The following PADI4 variants were observed in gnomAD, a reference collection of about 807,000 sequenced individuals.
PADI4 encodes the protein peptidyl arginine deiminase 4.
PADI4 carries 62 observed loss-of-function variants against 75.0 expected under a neutral mutation model. That is an observed-to-expected ratio of 0.83 (90% CI 0.67 to 1.02). PADI4 has a LOEUF of 1.02. Among genes scored for constraint, PADI4 ranks in the 50% least tolerant of loss-of-function variants. The pLI, the probability that PADI4 is intolerant of heterozygous loss-of-function variation, is 0.00. For synonymous variants in PADI4, 361 were observed against 348.1 expected, an observed-to-expected ratio of 1.04 and a Z score of -0.41; for missense variants, 845 against 850.5, an observed-to-expected ratio of 0.99 and a Z score of 0.08.
intron 15 of PADI4, among the ~76,000 whole-genome samples, chr1:17,359,713 G>C (rs1023512471): frequency 3.9e-5 from 6 of 152,252 alleles, no homozygotes; most frequent in Non-Finnish European, 7.3e-5. Context: ...CCACAAGTCA[G>C]TCAGTCCTGC....
At chr1:17,337,223 G>A (rs1043187349) in intron 4 of PADI4, among the ~76,000 whole-genome samples, 11 of 152,148 alleles carry the variant, frequency 7.2e-5, no homozygotes, top group African/African-American at 1.9e-4. Context: ...GCGGTTCACC[G>A]CAACCTCCGC....
At chr1:17,317,528 C>G (rs867392474) in intron 1 of PADI4, among the ~76,000 whole-genome samples, 11 of 151,914 alleles carry the variant, frequency 7.2e-5, no homozygotes, top group African/African-American at 2.4e-4. Context: ...CTCGGCCTCC[C>G]AAAGTGCTGG....
In PADI4 at chr1:17,308,279, T is replaced by C; in HGVS notation, c.57T>C (p.Cys19=). The part of the protein sequence containing the change: ...VTPEQPTHAV[C]VLGTLTQLDI... ...CAGAGCAGCCCACCCATGCCGTGTG[T>C]GTGCTGGGCACCTTGACTCAGCTTG... is the stretch of plus-strand genomic sequence containing the variant. Residue 19 remains cysteine (C), a synonymous_variant, in exon 1 of 16, where the codon TGT becomes TGC. Transcript: ENST00000375448. 6.2e-7 allele frequency: 1 copy of C among 1,614,126 alleles called. No homozygotes were observed. The highest frequency in any genetic ancestry group is 1.1e-5 in the South Asian group (1 of 91,088).
chr1:17,332,213 C>A (rs563210890), intron 2 of PADI4, among the ~76,000 whole-genome samples: 4 of 152,150 alleles, frequency 2.6e-5, no homozygotes, highest in Non-Finnish European at 5.9e-5. Flanking sequence ...TGGGGCCCAG[C>A]TGGATGGTCC....
At position 17,341,999 on chromosome 1, in the gene PADI4, T is replaced by C; in HGVS notation, c.709T>C (p.Tyr237His). 6.2e-7 allele frequency: 1 copy of C among 1,614,058 alleles called. No homozygotes were observed. The highest frequency in any genetic ancestry group is 8.5e-7 in the Non-Finnish European group (1 of 1,179,936). The change falls in exon 7 of 16, where the codon TAC (tyrosine) becomes CAC (histidine). Residue 237 changes from tyrosine (Y) to histidine (H), a missense_variant. Tyr to His is a moderately conservative substitution (Grantham distance 83). Transcript: ENST00000375448. ...VVLGPKWPSH[Y>H]LMVPGGKHNM... ...CTTGGGTCCCAAGTGGCCCTCTCAC[T>C]ACCTGATGGTCCCCGGTGGAAAGCA...
intron 15 of PADI4, among the ~76,000 whole-genome samples, chr1:17,361,287 C>T (rs538664204): frequency 6.6e-6 from 1 of 152,222 alleles, no homozygotes; most frequent in Non-Finnish European, 1.5e-5. Context: ...TGACCCCAAG[C>T]GTTTTGTTTC....
rs116041562 is a variant in PADI4, at chr1:17,317,299, G to A, written c.92+8985G>A. ...ACAGACATAATGCCGACGGAGTCTC[G>A]CTCTTGTCGCCTAGGCTGGAGTGCA... On this transcript the variant is annotated intron_variant, in intron 1 of 15. Coordinates refer to ENST00000375448, the MANE Select transcript of PADI4 (RefSeq NM_012387.3). Among the ~76,000 whole-genome samples the A allele has an allele frequency of 5.0e-3, 763 of 151,822 alleles. 8 individuals carry two copies. Among genetic ancestry groups the A allele is most frequent in the African/African-American group, 0.018 (726 of 41,414 alleles).
intron 1 of PADI4, among the ~76,000 whole-genome samples, chr1:17,308,591 A>G (rs2073718567): frequency 6.6e-6 from 1 of 152,330 alleles, no homozygotes. Context: ...CCCTGTCTTC[A>G]TCGAGGCAAC....
Position 17,357,263 on chromosome 1 carries a change from G to T in PADI4, c.1558+804G>T, listed in dbSNP as rs936642839. ...ACTCTCTGCAGCCTCTGCATCCCGG[G>T]TTCAAGTGATTCTCCTGCCCCAGCC... On this transcript the variant is annotated intron_variant, in intron 13 of 15. Coordinates refer to ENST00000375448, the MANE Select transcript of PADI4 (RefSeq NM_012387.3). Among the ~76,000 whole-genome samples the T allele has an allele frequency of 2.6e-5, 4 of 152,090 alleles. No individual in the cohort carries two copies. The East Asian group carries it at 7.7e-4, about 29-fold the overall frequency.
intron 2 of PADI4, among the ~76,000 whole-genome samples, chr1:17,331,735 C>G (rs1438669397): frequency 6.6e-6 from 1 of 152,040 alleles, no homozygotes. Flanking sequence ...CTGGCCAACA[C>G]GGTGAAACCC....
Position 17,338,163 on chromosome 1 carries a change from G to A in PADI4, c.526+8G>A, listed in dbSNP as rs370076851. On this transcript the variant is annotated splice_region_variant and intron_variant, in intron 5 of 15. Coordinates refer to ENST00000375448, the MANE Select transcript of PADI4 (RefSeq NM_012387.3). ...AAGTGCTTGACAGCGAAGGTAAAGA[G>A]CATTTGCTAGCTAACGGGAAGGGCT... 6.4e-7 allele frequency: 1 copy of A among 1,560,984 alleles called. No homozygotes were observed. The highest frequency in any genetic ancestry group is 1.1e-5 in the South Asian group (1 of 90,050).
intron 10 of PADI4, among the ~76,000 whole-genome samples, chr1:17,349,555 A>C (rs1422301138): frequency 1.3e-5 from 2 of 152,050 alleles, no homozygotes; most frequent in Non-Finnish European, 2.9e-5. Context: ...AAATACAAAA[A>C]TTAGCTGGGC....
intron 1 of PADI4, among the ~76,000 whole-genome samples, chr1:17,320,582 C>T (rs1223151134): frequency 6.6e-6 from 1 of 152,174 alleles, no homozygotes; most frequent in East Asian, 1.9e-4. Context: ...AACTTCCAAG[C>T]GTTGCCATAG....
chr1:17,328,198 A>AT (rs1415220526), intron 1 of PADI4, among the ~76,000 whole-genome samples: 1 of 151,208 alleles, frequency 6.6e-6, no homozygotes, highest in East Asian at 2.0e-4. Flanking sequence ...TAATTGTTTT[A>AT]TTTTTTGTAC....
chr1:17,352,215 G>GT (rs1557577608), intron 10 of PADI4, among the ~76,000 whole-genome samples: 2 of 107,446 alleles, frequency 1.9e-5, no homozygotes, highest in Admixed American at 1.8e-4. Context: ...GTGGTAAGAG[G>GT]GGTGGTCAGG....
intron 3 of PADI4, chr1:17,334,491 T>C (rs1238347079): frequency 1.1e-5 from 5 of 443,744 alleles, no homozygotes; most frequent in Admixed American, 4.8e-5. Flanking sequence ...TTAGTAGAGA[T>C]GGAGTTTCAC....
At position 17,363,902 on chromosome 1, in the gene PADI4, C is replaced by T; in HGVS notation, c.*147C>T. The stretch of plus-strand genomic sequence containing the variant: ...GGCTTGCTTTCTTCTCCTGTGATGT[C>T]CCAGTTTCCCACTCTGAAGATCCCA... On this transcript the variant is annotated 3_prime_UTR_variant, in exon 16 of 16. Coordinates refer to ENST00000375448, the MANE Select transcript of PADI4 (RefSeq NM_012387.3). 1 of 601,242 alleles carries T rather than the reference C, an allele frequency of 1.7e-6. No homozygotes were observed. Among genetic ancestry groups the T allele is most frequent in the South Asian group, 2.0e-5 (1 of 50,450 alleles). The allele number at this position is 601,242 out of a possible 1,614,324, so 37.2% of individuals were successfully genotyped here.
intron 1 of PADI4, among the ~76,000 whole-genome samples, chr1:17,309,868 A>G (rs2501801): frequency 0.76 from 115,559 of 152,178 alleles, 44,411 homozygotes; most frequent in East Asian, 0.86. Context: ...AAATGACAGG[A>G]GCTGAAGCTA....
intron 1 of PADI4, among the ~76,000 whole-genome samples, chr1:17,326,483 G>T (rs2074119207): frequency 6.6e-6 from 1 of 152,028 alleles, no homozygotes; most frequent in Non-Finnish European, 1.5e-5. Context: ...TGAGATGTCT[G>T]GTTTTAAATT....
Sources: gnomAD v4.1 joint callset for allele counts (sites outside exome capture counted in the v4.1 genomes callset) on GRCh38, gnomAD v4.1.1 for gene constraint, MANE v1.5 for transcripts, NCBI Gene and HGNC (gene_info 2026-07-23, HGNC 2026-07-21) for gene names.